KCNAB2: variants seen among roughly 807,000 people sequenced by gnomAD.
KCNAB2 encodes voltage-gated potassium channel subunit beta-2.
A neutral mutation model predicts 63.6 loss-of-function variants in KCNAB2; 29 were observed. That is an observed-to-expected ratio of 0.46 (90% CI 0.34 to 0.62). KCNAB2 has a LOEUF of 0.62. KCNAB2 is among the 20% of genes least tolerant of loss of function. The pLI, the probability that KCNAB2 is intolerant of heterozygous loss-of-function variation, is 0.01. For missense variants in KCNAB2, 359 were observed against 563.9 expected, an observed-to-expected ratio of 0.64 and a Z score of 3.68; for synonymous variants, 222 against 224.2, an observed-to-expected ratio of 0.99 and a Z score of 0.09.
chr1:6,019,149 G>A (rs984970915), intron 1 of KCNAB2, among the ~76,000 whole-genome samples: 4 of 151,920 alleles, frequency 2.6e-5, no homozygotes, highest in African/African-American at 9.7e-5. Context: ...AAAATTAGCC[G>A]GGGGTGGTGG....
At chr1:6,033,711 G>A (rs1454018580), upstream of KCNAB2, among the ~76,000 whole-genome samples, 1 of 152,122 alleles carries the variant, frequency 6.6e-6, no homozygotes, top group African/African-American at 2.4e-5. Context: ...GGAGCCTACC[G>A]ACCTTCCTGG....
chr1:6,034,972 C>A (rs1433103653), intron 1 of KCNAB2, among the ~76,000 whole-genome samples: 1 of 152,138 alleles, frequency 6.6e-6, no homozygotes, highest in African/African-American at 2.4e-5. Flanking sequence ...AGGTGACAGG[C>A]GCTGGGGAGA....
chr1:6,065,846 C>T (rs1213780874), intron 2 of KCNAB2, among the ~76,000 whole-genome samples: 1 of 152,224 alleles, frequency 6.6e-6, no homozygotes, highest in East Asian at 1.9e-4. Flanking sequence ...GTCTTCTGTA[C>T]CTCGGGCCTG....
At chr1:6,043,976 C>G (rs772707714), upstream of KCNAB2, among the ~76,000 whole-genome samples, 6 of 152,352 alleles carry the variant, frequency 3.9e-5, no homozygotes, top group Middle Eastern at 6.8e-3. Context: ...CCCATGTCCT[C>G]CATCTTCCCA....
chr1:6,036,517 GA>G (rs1660052253), intron 1 of KCNAB2, among the ~76,000 whole-genome samples: 1 of 152,162 alleles, frequency 6.6e-6, no homozygotes, highest in Non-Finnish European at 1.5e-5. Context: ...AAAGAAAAAA[GA>G]AACTGTGTTT....
intron 1 of KCNAB2, among the ~76,000 whole-genome samples, chr1:6,011,417 G>A (rs1386539458): frequency 6.6e-6 from 1 of 152,030 alleles, no homozygotes; most frequent in African/African-American, 2.4e-5. Context: ...CGGGAGGCGA[G>A]GCAGGCAGCT....
At chr1:6,031,724 TAA>T (rs60928974), upstream of KCNAB2, among the ~76,000 whole-genome samples, 80,191 of 146,234 alleles carry the variant, frequency 0.55, 22,883 homozygotes, top group South Asian at 0.67. The surrounding 1 kb of genome is among the most constrained non-coding windows in gnomAD (Gnocchi z 4.1). Flanking sequence ...TCATCTCTAT[TAA>T]AAAAAAAAAA....
chr1:6,075,247 G>T (rs1359781044), intron 4 of KCNAB2, among the ~76,000 whole-genome samples: 1 of 152,236 alleles, frequency 6.6e-6, no homozygotes, highest in Non-Finnish European at 1.5e-5. Flanking sequence ...TGGGTGGCCT[G>T]TATGTCCTTG....
At position 6,079,070 on chromosome 1, in the gene KCNAB2, T is replaced by C. The variant is rs555946075; in HGVS notation, c.301-3125T>C. 2.6e-5 allele frequency among the ~76,000 whole-genome samples: 4 copies of C among 152,274 alleles called. No homozygotes were observed. In the South Asian group the frequency reaches 8.3e-4, roughly 32 times the overall value. On this transcript the variant is annotated intron_variant, in intron 4 of 15. Transcript: ENST00000378083. ...GGGGCTGAACTTCAGGCTCCAGTGA[T>C]GGGAGGATTAGTCAAGGAGGGCTCC...
chr1:6,050,268 G>A (rs1218477188), intron 1 of KCNAB2, among the ~76,000 whole-genome samples: 2 of 152,230 alleles, frequency 1.3e-5, no homozygotes, highest in Non-Finnish European at 2.9e-5. Flanking sequence ...TGACCCAGCT[G>A]AAATGGTGAC....
chr1:6,013,571 C>G (rs540008849), intron 1 of KCNAB2, among the ~76,000 whole-genome samples: 6 of 152,168 alleles, frequency 3.9e-5, no homozygotes, highest in African/African-American at 1.4e-4. Context: ...AGGGCTCCCC[C>G]ACACCACTGC....
At chr1:6,072,835 C>T in intron 3 of KCNAB2, 37 bp downstream of exon 3, 1 of 1,606,964 alleles carries the variant, frequency 6.2e-7, no homozygotes, top group Non-Finnish European at 8.5e-7. Context: ...ACCAGGGAAA[C>T]AGGCTGTGGG....
intron 2 of KCNAB2, among the ~76,000 whole-genome samples, chr1:6,052,933 C>G (rs1436569613): frequency 6.6e-6 from 1 of 152,200 alleles, no homozygotes. Flanking sequence ...TATCTGGCTT[C>G]CGTCTGAGAC....
chr1:6,032,841 G>A (rs1205509987), upstream of KCNAB2, among the ~76,000 whole-genome samples: 1 of 152,158 alleles, frequency 6.6e-6, no homozygotes, highest in Non-Finnish European at 1.5e-5. Flanking sequence ...TCCAAAGCAA[G>A]GGACTGTCAG....
chr1:6,011,843 G>A (rs1230462843), intron 1 of KCNAB2, among the ~76,000 whole-genome samples: 1 of 152,254 alleles, frequency 6.6e-6, no homozygotes, highest in Non-Finnish European at 1.5e-5. Flanking sequence ...GCCCTTGCCT[G>A]TGGAGGTGAG....
chr1:6,033,762 C>T (rs950591816), upstream of KCNAB2, among the ~76,000 whole-genome samples: 1 of 152,178 alleles, frequency 6.6e-6, no homozygotes, highest in African/African-American at 2.4e-5. Context: ...AGGGAAAGAG[C>T]TAGGATTTAA....
chr1:6,015,178 C>T (rs1433874152), intron 1 of KCNAB2, among the ~76,000 whole-genome samples: 5 of 152,026 alleles, frequency 3.3e-5, no homozygotes, highest in African/African-American at 1.2e-4. Context: ...ACTACAGGTG[C>T]CCGCCACCAT....
Position 6,035,143 on chromosome 1 carries a change from CGGA to C in KCNAB2, c.-53+360_-53+362del, listed in dbSNP as rs1262956573. Among the ~76,000 whole-genome samples the C allele has an allele frequency of 6.6e-6, 1 of 152,040 alleles. No homozygotes were observed. Among genetic ancestry groups the C allele is most frequent in the African/African-American group, 2.4e-5 (1 of 41,372 alleles). On this transcript the variant is annotated intron_variant, in intron 1 of 15. Transcript: ENST00000164247. The surrounding 1 kb of genome is among the most constrained non-coding windows in gnomAD (Gnocchi z 5.0). ...CGGTGGTCAGAAGTTGAATTCGGGC[CGGA>C]GGAGGAGGAGTGCATGAAGCCCTGA...
At chr1:6,008,822 A>G (rs1221351449) in intron 1 of KCNAB2, among the ~76,000 whole-genome samples, 1 of 151,990 alleles carries the variant, frequency 6.6e-6, no homozygotes, top group Non-Finnish European at 1.5e-5. Flanking sequence ...CCACATGGGG[A>G]GAGGTCACCT....
Sources: allele counts gnomAD v4.1 joint callset (sites outside exome capture counted in the v4.1 genomes callset), GRCh38; gene constraint gnomAD v4.1.1; non-coding constraint Gnocchi (gnomAD v3.1); transcripts MANE v1.5; gene names NCBI Gene and HGNC (gene_info 2026-07-23, HGNC 2026-07-21).